BMPER: variants seen among roughly 807,000 people sequenced by gnomAD.
BMPER encodes BMP binding endothelial regulator.
Under a neutral mutation model 87.3 loss-of-function variants are expected in BMPER, and 45 were observed. The ratio of observed to expected loss-of-function variants is 0.52; its 90% confidence interval spans 0.41 to 0.66. The LOEUF (loss-of-function observed/expected upper bound fraction) is 0.66, where lower values mean the gene tolerates loss of function less well. Among genes scored for constraint, BMPER ranks in the 30% least tolerant of loss-of-function variants. The probability of loss-of-function intolerance (pLI) is 0.00; values close to 1 mark genes in which losing one functional copy is unlikely to be tolerated. For synonymous variants in BMPER, 326 were observed against 316.2 expected (o/e 1.03, Z -0.33); for missense variants, 784 against 867.5 (o/e 0.90, Z 1.21).
chr7:34,004,306 C>T (rs189583539), intron 6 of BMPER, among the ~76,000 whole-genome samples: 7 of 151,912 alleles, frequency 4.6e-5, no homozygotes, highest in Admixed American at 3.9e-4. Context: ...TTTTATTTTT[C>T]TTTAGACTTT....
chr7:33,952,144 C>G (rs1214276586), intron 3 of BMPER, among the ~76,000 whole-genome samples: 1 of 152,114 alleles, frequency 6.6e-6, no homozygotes, highest in African/African-American at 2.4e-5. Context: ...ATTAGGACTT[C>G]GGATTTCCAA....
chr7:33,926,637 C>T (rs752895870), intron 2 of BMPER, among the ~76,000 whole-genome samples: 7 of 152,196 alleles, frequency 4.6e-5, no homozygotes, highest in African/African-American at 9.7e-5. Flanking sequence ...AAATCTGTGG[C>T]TTCTCCAGTT....
In BMPER at chr7:34,153,461, A is replaced by G. The variant is rs1026759239; in HGVS notation, c.*188A>G. 1 of 627,828 alleles carries G rather than the reference A, an allele frequency of 1.6e-6. No homozygotes were observed. The highest frequency in any genetic ancestry group is 3.0e-5 in the Admixed American group (1 of 33,334). The allele number at this position is 627,828 out of a possible 1,614,324, so 38.9% of individuals were successfully genotyped here. On this transcript the variant is annotated 3_prime_UTR_variant, in exon 15 of 15. Transcript: ENST00000649409. ...TTATATGAACTATAGGGGGATTATTATATGTATATTTTTTGCTATAAGACA... is the reference window on the plus strand; with the variant it reads ...TTATATGAACTATAGGGGGATTATTGTATGTATATTTTTTGCTATAAGACA...
At chr7:34,050,295 A>G (rs1788114767) in intron 7 of BMPER, among the ~76,000 whole-genome samples, 1 of 152,182 alleles carries the variant, frequency 6.6e-6, no homozygotes, top group African/African-American at 2.4e-5. Context: ...TGATGATGCC[A>G]TTTTATGAGT....
chr7:34,005,170 C>G (rs1405525955), intron 6 of BMPER, among the ~76,000 whole-genome samples: 1 of 152,084 alleles, frequency 6.6e-6, no homozygotes, highest in Admixed American at 6.6e-5. Context: ...AAAATAGTGA[C>G]AGTACCCTGG....
In BMPER at chr7:34,132,134, C is replaced by T. The variant is rs1327329762; in HGVS notation, c.1746-11096C>T. Among the ~76,000 whole-genome samples the T allele has an allele frequency of 3.3e-5, 5 of 152,112 alleles. 1 individual carries two copies. Among genetic ancestry groups the T allele is most frequent in the African/African-American group, 1.2e-4 (5 of 41,404 alleles). ...GTGATCACTTACCTTGCTGCCTCTT[C>T]GAGTAGATTATGCCGTGGGACAATT... On this transcript the variant is annotated intron_variant, in intron 13 of 14. Transcript: ENST00000649409.
At chr7:33,972,345 G>T (rs1562661169) in intron 5 of BMPER, among the ~76,000 whole-genome samples, 1 of 152,176 alleles carries the variant, frequency 6.6e-6, no homozygotes, top group Non-Finnish European at 1.5e-5. Context: ...TCACTTAGGA[G>T]ATAGTCATAT....
chr7:34,023,502 C>T (rs941738793), intron 6 of BMPER, among the ~76,000 whole-genome samples: 10 of 152,012 alleles, frequency 6.6e-5, no homozygotes, highest in African/African-American at 2.4e-4. Context: ...CCATGCTTGT[C>T]CTGTTCTCTG....
chr7:34,033,186 T>G (rs1028746587), intron 6 of BMPER, among the ~76,000 whole-genome samples: 3 of 152,156 alleles, frequency 2.0e-5, no homozygotes, highest in African/African-American at 4.8e-5. Flanking sequence ...ACTTATCAGG[T>G]AGCTACTTAT....
At chr7:34,096,914 A>G (rs1209605386) in intron 13 of BMPER, among the ~76,000 whole-genome samples, 2 of 152,242 alleles carry the variant, frequency 1.3e-5, no homozygotes, top group Non-Finnish European at 2.9e-5. Context: ...GATTGATTAA[A>G]TAAGACACCA....
intron 6 of BMPER, among the ~76,000 whole-genome samples, chr7:34,040,557 T>C (rs182328756): frequency 7.3e-4 from 111 of 152,228 alleles, no homozygotes; most frequent in Non-Finnish European, 1.4e-3. Flanking sequence ...CTGTGGGTGA[T>C]TCTGACCCAC....
At chr7:33,918,911 G>T (rs1235355783) in intron 2 of BMPER, among the ~76,000 whole-genome samples, 1 of 152,144 alleles carries the variant, frequency 6.6e-6, no homozygotes, top group Non-Finnish European at 1.5e-5. Context: ...GGCAGGGAAG[G>T]GGGCAGGAAT....
At position 34,010,217 on chromosome 7, in the gene BMPER, T is replaced by G. The variant is rs529433725; in HGVS notation, c.576+35433T>G. Among the ~76,000 whole-genome samples the G allele has an allele frequency of 5.5e-4, 83 of 151,964 alleles. 1 individual carries two copies. The highest frequency in any genetic ancestry group is 1.9e-3 in the Admixed American group (29 of 15,254). On this transcript the variant is annotated intron_variant, in intron 6 of 14. Coordinates refer to ENST00000649409, the MANE Select transcript of BMPER (RefSeq NM_001365308.1). ...GAAATTTAGCTCAGATGTCATCTCC[T>G]ATGAAGTCTTTTCTGGTCACCCTAA...
chr7:34,119,014 T>TCTCA (rs66493349), intron 13 of BMPER, among the ~76,000 whole-genome samples: 2 of 135,794 alleles, frequency 1.5e-5, no homozygotes, highest in East Asian at 2.2e-4. Context: ...TCTCTCTCTC[T>TCTCA]CACACACACA....
chr7:34,130,501 G>A (rs1187071253), intron 13 of BMPER, among the ~76,000 whole-genome samples: 1 of 152,158 alleles, frequency 6.6e-6, no homozygotes, highest in African/African-American at 2.4e-5. Context: ...AAATCTCATT[G>A]TCACTTAGTA....
At chr7:34,006,650 G>A (rs1786740869) in intron 6 of BMPER, among the ~76,000 whole-genome samples, 1 of 152,062 alleles carries the variant, frequency 6.6e-6, no homozygotes, top group African/African-American at 2.4e-5. Context: ...TGGTTTGACA[G>A]TTGAGCTTTG....
At chr7:34,054,892 G>A (rs548457141) in intron 8 of BMPER, among the ~76,000 whole-genome samples, 1 of 152,256 alleles carries the variant, frequency 6.6e-6, no homozygotes, top group South Asian at 2.1e-4. Context: ...CTGGTGGAGT[G>A]GGCTCATCAG....
chr7:34,009,745 T>TG (rs1222054489), intron 6 of BMPER, among the ~76,000 whole-genome samples: 1 of 151,892 alleles, frequency 6.6e-6, no homozygotes, highest in Admixed American at 6.6e-5. Flanking sequence ...AAGGCTAAGA[T>TG]TTCCAAGTCT....
intron 6 of BMPER, among the ~76,000 whole-genome samples, chr7:34,026,684 A>G (rs191117343): frequency 2.2e-4 from 33 of 152,246 alleles, no homozygotes; most frequent in Admixed American, 7.2e-4. Context: ...TGGTCTTCTA[A>G]GTTGAAGTTG....
Sources: allele counts gnomAD v4.1 joint callset (sites outside exome capture counted in the v4.1 genomes callset), GRCh38; gene constraint gnomAD v4.1.1; transcripts MANE v1.5; gene names NCBI Gene and HGNC (gene_info 2026-07-23, HGNC 2026-07-21).